PICALM: variants seen among roughly 807,000 people sequenced by gnomAD.
PICALM encodes the protein phosphatidylinositol binding clathrin assembly protein.
A neutral mutation model predicts 80.5 loss-of-function variants in PICALM; 40 were observed. That is an observed-to-expected ratio of 0.50 (90% CI 0.39 to 0.65). The LOEUF (loss-of-function observed/expected upper bound fraction) is 0.65, where lower values mean the gene tolerates loss of function less well. PICALM is among the 30% of genes least tolerant of loss of function. PICALM has a pLI of 0.00. For missense variants in PICALM, 676 were observed against 778.9 expected, an observed-to-expected ratio of 0.87 and a Z score of 1.57; for synonymous variants, 288 against 260.3, an observed-to-expected ratio of 1.11 and a Z score of -1.02.
chr11:86,026,554 G>A (rs531155500), intron 2 of PICALM, among the ~76,000 whole-genome samples, 187 bp from the exon 3 acceptor site: 7 of 152,070 alleles, frequency 4.6e-5, no homozygotes, highest in South Asian at 2.1e-4. Flanking sequence ...ACTAGCATGC[G>A]AGAATTTATT....
At chr11:86,058,653 C>T (rs1354327349) in intron 1 of PICALM, among the ~76,000 whole-genome samples, 1 of 152,194 alleles carries the variant, frequency 6.6e-6, no homozygotes, top group African/African-American at 2.4e-5. Context: ...CCACCCTAAC[C>T]TTTGCCTATT....
At chr11:85,965,812 T>C (rs1015281374) in intron 19 of PICALM, among the ~76,000 whole-genome samples, 65 of 60,632 alleles carry the variant, frequency 1.1e-3, no homozygotes, top group African/African-American at 4.5e-3. Flanking sequence ...ATTTTGTTTT[T>C]TTGTTTTTTT....
chr11:85,982,185 G>A, intron 14 of PICALM, 182 bp from the exon 15 acceptor site: 1 of 561,506 alleles, frequency 1.8e-6, no homozygotes, highest in Non-Finnish European at 3.2e-6. Context: ...TGAATTGACT[G>A]AGAAGGCTGT....
chr11:86,001,200 A>T (rs889959016), intron 9 of PICALM, 42 bp from the exon 10 acceptor site: 1 of 1,596,654 alleles, frequency 6.3e-7, no homozygotes, highest in Admixed American at 1.7e-5. Context: ...TTTGCTAAAC[A>T]CTTCACATTA....
chr11:85,973,463 A>G (rs1327400922), intron 19 of PICALM, among the ~76,000 whole-genome samples: 2 of 152,228 alleles, frequency 1.3e-5, no homozygotes, highest in Non-Finnish European at 2.9e-5. Flanking sequence ...GAGCAAGAGC[A>G]CACATTAACA....
Position 85,996,841 on chromosome 11 carries a change from C to G in PICALM, c.1243G>C (p.Ala415Pro). 1 of 1,599,948 alleles carries G rather than the reference C, an allele frequency of 6.3e-7. No individual in the cohort carries two copies. The highest frequency in any genetic ancestry group is 1.3e-5 in the African/African-American group (1 of 74,688). The change falls in exon 12 of 20, where the codon GCA becomes CCA. Residue 415 changes from alanine to proline, a missense_variant. Around this residue, in one of 2 missense-constraint regions of PICALM, gnomAD observed 391 missense variants for 383.6 expected, o/e 1.02. Coordinates refer to ENST00000393346, the MANE Select transcript of PICALM (RefSeq NM_007166.4). ...VHPMSTASQV[A>P]STWGDPFSAT... The stretch of plus-strand genomic sequence containing the variant: ...CAATGCTTACCTCCCCATGTACTTG[C>G]TACCTGAGAAGCAGTTGACATAGGA...
At chr11:85,965,592 T>G (rs974275349) in intron 19 of PICALM, among the ~76,000 whole-genome samples, 1 of 152,106 alleles carries the variant, frequency 6.6e-6, no homozygotes, top group Non-Finnish European at 1.5e-5. Context: ...AAAGATAATG[T>G]GATTCCTCAG....
At chr11:85,974,837 G>A (rs1194091481) in intron 18 of PICALM, 25 bp from the exon 19 acceptor site, 1 of 1,416,324 alleles carries the variant, frequency 7.1e-7, no homozygotes, top group Non-Finnish European at 1.0e-6. Context: ...AATATCAAAA[G>A]ATACTGACTC....
intron 1 of PICALM, among the ~76,000 whole-genome samples, chr11:86,044,718 A>C (rs896713023): frequency 6.6e-6 from 1 of 152,194 alleles, no homozygotes; most frequent in African/African-American, 2.4e-5. Flanking sequence ...GTGAGCTAGG[A>C]AGCATTACTG....
rs150283404 is a variant in PICALM at position 86,068,661 on chromosome 11, C to T, written c.120G>A (p.Lys40=). ...TTHEIMGPKK[K]HLDYLIQCTN... Reference sequence around the variant, plus strand: ...GTCGGCTTCACTCACAGTCCAGGTGCTTTTTCTTGGGCCCCATGATCTCGT... The same window carrying T: ...GTCGGCTTCACTCACAGTCCAGGTGTTTTTTCTTGGGCCCCATGATCTCGT... Residue 40 remains lysine, a synonymous_variant, in exon 1 of 20, where the codon AAG becomes AAA. Coordinates refer to ENST00000393346, the MANE Select transcript of PICALM (RefSeq NM_007166.4). 21 of 1,612,414 alleles carry T rather than the reference C, an allele frequency of 1.3e-5. No individual in the cohort carries two copies. The highest frequency in any genetic ancestry group is 1.7e-5 in the Admixed American group (1 of 59,730).
chr11:86,037,914 T>C (rs547670567), intron 1 of PICALM, among the ~76,000 whole-genome samples: 3 of 152,198 alleles, frequency 2.0e-5, no homozygotes, highest in African/African-American at 7.2e-5. Flanking sequence ...ACCAGTTCTG[T>C]ACTGTAATTT....
intron 1 of PICALM, among the ~76,000 whole-genome samples, chr11:86,035,878 G>A (rs186472056): frequency 1.3e-5 from 2 of 150,548 alleles, no homozygotes; most frequent in East Asian, 3.9e-4. Flanking sequence ...AGTCTGGGAG[G>A]CGGAGGTTGC....
intron 1 of PICALM, among the ~76,000 whole-genome samples, chr11:86,050,476 G>A (rs1418547416): frequency 6.6e-6 from 1 of 152,054 alleles, no homozygotes; most frequent in Non-Finnish European, 1.5e-5. Flanking sequence ...ATATTAAACA[G>A]ATACATGCAA....
chr11:86,021,709 G>A (rs936609378), intron 4 of PICALM, among the ~76,000 whole-genome samples: 1 of 152,120 alleles, frequency 6.6e-6, no homozygotes, highest in Non-Finnish European at 1.5e-5. Context: ...GAATTAAAAA[G>A]ATAATCCACA....
chr11:85,971,035 G>C (rs1343298800), intron 19 of PICALM, among the ~76,000 whole-genome samples: 1 of 152,178 alleles, frequency 6.6e-6, no homozygotes, highest in Non-Finnish European at 1.5e-5. Context: ...TAATTAGTGA[G>C]ACTTTGTGAT....
intron 1 of PICALM, among the ~76,000 whole-genome samples, chr11:86,041,578 C>A (rs1216412760): frequency 6.6e-6 from 1 of 152,142 alleles, no homozygotes; most frequent in Non-Finnish European, 1.5e-5. Context: ...GTACACAAAG[C>A]AAACTCCTAA....
chr11:86,025,521 TATA>T (rs1256256356), intron 3 of PICALM, among the ~76,000 whole-genome samples: 1 of 147,864 alleles, frequency 6.8e-6, no homozygotes, highest in Non-Finnish European at 1.5e-5. Context: ...TGAAACATAA[TATA>T]ATAACAATGA....
chr11:86,008,848 A>G (rs527880001), intron 7 of PICALM, among the ~76,000 whole-genome samples: 2 of 147,866 alleles, frequency 1.4e-5, no homozygotes, highest in South Asian at 4.3e-4. Flanking sequence ...CCCAGCTCTC[A>G]GGGAGGCTAA....
At chr11:86,050,137 G>A (rs899627463) in intron 1 of PICALM, among the ~76,000 whole-genome samples, 2 of 149,614 alleles carry the variant, frequency 1.3e-5, no homozygotes, top group African/African-American at 5.0e-5. Flanking sequence ...CCCAGGAGGC[G>A]GAGGTTGCAG....
Sources: gnomAD v4.1 joint callset for allele counts (sites outside exome capture counted in the v4.1 genomes callset) on GRCh38, gnomAD v4.1.1 for gene constraint, gnomAD v4.1.1 regional missense constraint, MANE v1.5 for transcripts, NCBI Gene and HGNC (gene_info 2026-07-23, HGNC 2026-07-21) for gene names.